C3orf20: variants seen among roughly 807,000 people sequenced by gnomAD.
C3orf20 encodes the protein uncharacterized protein C3orf20.
A neutral mutation model predicts 88.3 loss-of-function variants in C3orf20; 76 were observed. The observed-to-expected ratio is 0.86, with a 90% CI of 0.72 to 1.04. The LOEUF is 1.04. Among genes scored for constraint, C3orf20 ranks in the 50% least tolerant of loss-of-function variants. The probability of loss-of-function intolerance (pLI) is 0.00; values close to 1 mark genes in which losing one functional copy is unlikely to be tolerated. For synonymous variants in C3orf20, 436 were observed against 437.4 expected, an observed-to-expected ratio of 1.00 and a Z score of 0.04; for missense variants, 1,056 against 1,123.3, an observed-to-expected ratio of 0.94 and a Z score of 0.86.
chr3:14,735,142 A>G (rs968154710), intron 12 of C3orf20, among the ~76,000 whole-genome samples: 1 of 151,594 alleles, frequency 6.6e-6, no homozygotes, highest in African/African-American at 2.4e-5. Context: ...TCAGTCTTTC[A>G]ATCTTTGTCT....
At chr3:14,675,848 G>A (rs543694843) in intron 1 of C3orf20, among the ~76,000 whole-genome samples, 2 of 152,048 alleles carry the variant, frequency 1.3e-5, no homozygotes, top group East Asian at 1.9e-4. Flanking sequence ...GCACCACCAC[G>A]TCCAGCTAAT....
chr3:14,675,411 TG>T (rs1352700869), intron 1 of C3orf20, among the ~76,000 whole-genome samples, 159 bp downstream of exon 1: 1 of 152,168 alleles, frequency 6.6e-6, no homozygotes, highest in East Asian at 1.9e-4. Flanking sequence ...GTGTGTGTAC[TG>T]GGGGCGAGAG....
chr3:14,706,440 A>G (rs1164200095), intron 7 of C3orf20, among the ~76,000 whole-genome samples: 1 of 151,750 alleles, frequency 6.6e-6, no homozygotes, highest in Non-Finnish European at 1.5e-5. Flanking sequence ...TATCAGGGGC[A>G]TCAGAAAGGA....
intron 9 of C3orf20, 122 bp from the exon 10 acceptor site, chr3:14,721,531 G>A: frequency 1.5e-6 from 2 of 1,354,320 alleles, no homozygotes; most frequent in Non-Finnish European, 2.0e-6. Flanking sequence ...ATAAGAACTG[G>A]AAAGCTCTTA....
chr3:14,678,552 G>A (rs2031913399), intron 1 of C3orf20, among the ~76,000 whole-genome samples: 1 of 152,220 alleles, frequency 6.6e-6, no homozygotes, highest in Admixed American at 6.5e-5. Context: ...GGAAACAGTG[G>A]AGACATGCAG....
At chr3:14,763,802 G>T (rs2035625311) in intron 15 of C3orf20, among the ~76,000 whole-genome samples, 1 of 152,112 alleles carries the variant, frequency 6.6e-6, no homozygotes, top group Non-Finnish European at 1.5e-5. Context: ...GGAAGTGCTG[G>T]CACATAGCTC....
intron 7 of C3orf20, among the ~76,000 whole-genome samples, chr3:14,711,898 T>C (rs943650965): frequency 1.3e-5 from 2 of 152,162 alleles, no homozygotes; most frequent in African/African-American, 4.8e-5. Context: ...TTCCACTTTT[T>C]GTGTCTGACT....
intron 9 of C3orf20, among the ~76,000 whole-genome samples, chr3:14,715,639 G>T (rs771176669): frequency 2.6e-5 from 4 of 152,218 alleles, no homozygotes; most frequent in Non-Finnish European, 5.9e-5. Context: ...CTGCTTTACA[G>T]ACATTTCTTG....
At chr3:14,681,376 A>C (rs2032079620) in intron 1 of C3orf20, among the ~76,000 whole-genome samples, 1 of 152,182 alleles carries the variant, frequency 6.6e-6, no homozygotes, top group Non-Finnish European at 1.5e-5. Flanking sequence ...TGTTGGCTGG[A>C]GTGGTTGTCA....
At chr3:14,687,044 T>C (rs1302402485) in intron 4 of C3orf20, among the ~76,000 whole-genome samples, 1 of 152,176 alleles carries the variant, frequency 6.6e-6, no homozygotes, top group Non-Finnish European at 1.5e-5. Context: ...TGATGCCTGA[T>C]GCGGGGGAGC....
chr3:14,703,329 G>C, intron 6 of C3orf20, 67 bp downstream of exon 6: 1 of 1,605,494 alleles, frequency 6.2e-7, no homozygotes, highest in Non-Finnish European at 8.5e-7. Flanking sequence ...CCAGCTGGGA[G>C]TCCCTGTGTA....
At chr3:14,702,433 C>G (rs1304836197) in intron 5 of C3orf20, among the ~76,000 whole-genome samples, 2 of 141,884 alleles carry the variant, frequency 1.4e-5, no homozygotes, top group Non-Finnish European at 3.0e-5. Context: ...CTCATGTCCT[C>G]ACATATCTTT....
intron 12 of C3orf20, among the ~76,000 whole-genome samples, chr3:14,750,622 A>G (rs997451212): frequency 6.6e-6 from 1 of 151,958 alleles, no homozygotes; most frequent in Non-Finnish European, 1.5e-5. Flanking sequence ...AGCACTTTAA[A>G]TATGTCCGCC....
At chr3:14,714,216 G>C in intron 8 of C3orf20, 57 bp downstream of exon 8, 1 of 1,582,582 alleles carries the variant, frequency 6.3e-7, no homozygotes, top group Non-Finnish European at 8.6e-7. Context: ...GTGATGGAGG[G>C]AGGACTGAGG....
chr3:14,754,565 TC>T (rs1337468816), intron 12 of C3orf20, among the ~76,000 whole-genome samples: 4 of 152,344 alleles, frequency 2.6e-5, no homozygotes, highest in Admixed American at 2.0e-4. Context: ...GCAAGTTTTT[TC>T]ATTAGATTCC....
intron 5 of C3orf20, 46 bp downstream of exon 5, chr3:14,690,162 G>T: frequency 6.2e-7 from 1 of 1,612,416 alleles, no homozygotes. Flanking sequence ...TGGTGGCGGT[G>T]GGGTGGGGGA....
chr3:14,731,077 A>G (rs1179495427), intron 12 of C3orf20, among the ~76,000 whole-genome samples: 1 of 152,170 alleles, frequency 6.6e-6, no homozygotes, highest in African/African-American at 2.4e-5. Flanking sequence ...GCCAAGATGC[A>G]GGACGATTCC....
At chr3:14,769,595 G>C (rs1270540005) in intron 15 of C3orf20, among the ~76,000 whole-genome samples, 4 of 152,146 alleles carry the variant, frequency 2.6e-5, no homozygotes, top group African/African-American at 9.7e-5. Flanking sequence ...AGGAGACTGG[G>C]TCTCTAGTTG....
chr3:14,684,462 G>T, intron 4 of C3orf20, 80 bp downstream of exon 4: 2 of 1,529,424 alleles, frequency 1.3e-6, no homozygotes, highest in Non-Finnish European at 1.8e-6. Flanking sequence ...AAAACCCCCA[G>T]TTTGAAGGTT....
Sources: allele counts gnomAD v4.1 joint callset (sites outside exome capture counted in the v4.1 genomes callset), GRCh38; gene constraint gnomAD v4.1.1; transcripts MANE v1.5; gene names NCBI Gene and HGNC (gene_info 2026-07-23, HGNC 2026-07-21).